The following TECRL variants were observed in gnomAD, a reference collection of about 807,000 sequenced individuals.
TECRL encodes the protein trans-2,3-enoyl-CoA reductase-like.
A neutral mutation model predicts 52.8 loss-of-function variants in TECRL; 63 were observed. That is an observed-to-expected ratio of 1.19 (90% CI 0.97 to 1.47). The LOEUF (loss-of-function observed/expected upper bound fraction) is 1.47, where lower values mean the gene tolerates loss of function less well. Ranked by LOEUF, TECRL falls within the 40% of genes most tolerant of loss-of-function variation. The pLI, the probability that TECRL is intolerant of heterozygous loss-of-function variation, is 0.00. For synonymous variants in TECRL, 164 were observed against 141.9 expected (o/e 1.16, Z -1.10); for missense variants, 482 against 429.6 (o/e 1.12, Z -1.08).
chr4:64,314,281 T>C (rs1346101173), intron 5 of TECRL, among the ~76,000 whole-genome samples: 1 of 152,144 alleles, frequency 6.6e-6, no homozygotes, highest in Non-Finnish European at 1.5e-5. Context: ...TAAATAAATA[T>C]ATTTTTAGGG....
At chr4:64,391,552 A>T (rs182470539) in intron 1 of TECRL, among the ~76,000 whole-genome samples, 1 of 151,964 alleles carries the variant, frequency 6.6e-6, no homozygotes. Flanking sequence ...AACTGTGATA[A>T]TTCAACTTAA....
At chr4:64,337,626 A>G (rs1057316707) in intron 2 of TECRL, among the ~76,000 whole-genome samples, 1 of 152,182 alleles carries the variant, frequency 6.6e-6, no homozygotes, top group African/African-American at 2.4e-5. Context: ...ATTCTTATAC[A>G]CCAATAACAG....
intron 2 of TECRL, among the ~76,000 whole-genome samples, chr4:64,335,480 G>A (rs1447537787): frequency 2.6e-5 from 4 of 152,136 alleles, no homozygotes; most frequent in Admixed American, 6.5e-5. Flanking sequence ...ATATTACAAT[G>A]TCATAATGAT....
At chr4:64,409,457 G>C (rs1324466837), upstream of TECRL, 1 of 1,487,970 alleles carries the variant, frequency 6.7e-7, no homozygotes, top group Admixed American at 2.3e-5. Context: ...AGGTCAAATG[G>C]TATGCCATTC....
Position 64,374,079 on chromosome 4 carries a change from A to ATATATATATATATTTATT in TECRL, c.286+1092_286+1093insAATAAATATATATATATA, listed in dbSNP as rs1343885987. On this transcript the variant is annotated intron_variant, in intron 2 of 11. Transcript: ENST00000381210. ...TATATATATATATATATATATATAT[A>ATATATATATATATTTATT]TATTTATCTTTTTGGTTTTGTTCTT... 7.2e-5 allele frequency among the ~76,000 whole-genome samples: 7 copies of ATATATATATATATTTATT among 96,782 alleles called. No homozygotes were observed. In the East Asian group the frequency reaches 8.9e-4, roughly 12 times the overall value. 63.5% of individuals were successfully genotyped at this position (96,782 alleles called of 152,430 possible). A position where few individuals can be genotyped will look rare whatever the true frequency, so the allele number is the denominator to read the frequency against.
intron 2 of TECRL, among the ~76,000 whole-genome samples, chr4:64,332,844 A>G (rs1475080277): frequency 6.6e-6 from 1 of 152,144 alleles, no homozygotes; most frequent in Non-Finnish European, 1.5e-5. Flanking sequence ...TATATACATG[A>G]TGAGCAATGA....
chr4:64,312,304 ATACCTAAATCTAGG>A (rs971673146), intron 5 of TECRL, among the ~76,000 whole-genome samples: 2 of 152,192 alleles, frequency 1.3e-5, no homozygotes, highest in Non-Finnish European at 2.9e-5. Context: ...CTAAATCTAG[ATACCTAAATCTAGG>A]TACCTAAAAC....
chr4:64,298,580 C>T (rs1325388530), intron 8 of TECRL, among the ~76,000 whole-genome samples: 3 of 150,582 alleles, frequency 2.0e-5, no homozygotes, highest in African/African-American at 7.3e-5. Flanking sequence ...TTATCATACA[C>T]ATTTGAAAAG....
intron 9 of TECRL, among the ~76,000 whole-genome samples, chr4:64,282,944 T>C (rs935517565): frequency 2.0e-5 from 3 of 152,016 alleles, no homozygotes; most frequent in African/African-American, 4.8e-5. Context: ...TTTTTTACAT[T>C]AAAATGCTGC....
chr4:64,354,390 G>T (rs1720614632), intron 2 of TECRL, among the ~76,000 whole-genome samples: 1 of 152,154 alleles, frequency 6.6e-6, no homozygotes, highest in Non-Finnish European at 1.5e-5. Flanking sequence ...TAATATAAGA[G>T]AGGAGAATGA....
At chr4:64,316,890 A>G (rs1018132690) in intron 4 of TECRL, among the ~76,000 whole-genome samples, 5 of 152,162 alleles carry the variant, frequency 3.3e-5, no homozygotes, top group African/African-American at 1.2e-4. Flanking sequence ...TCTGTTTTGA[A>G]TACAAAATTC....
chr4:64,373,927 T>C (rs958759621), intron 2 of TECRL, among the ~76,000 whole-genome samples: 21 of 147,928 alleles, frequency 1.4e-4, no homozygotes, highest in East Asian at 1.2e-3. Flanking sequence ...ATATATACTA[T>C]ATACACTATA....
At chr4:64,381,851 C>G (rs1342070397) in intron 1 of TECRL, among the ~76,000 whole-genome samples, 1 of 151,774 alleles carries the variant, frequency 6.6e-6, no homozygotes, top group East Asian at 1.9e-4. Context: ...GCCTGTAGTA[C>G]TATTTGCGTG....
chr4:64,317,726 C>T (rs1271382582), intron 4 of TECRL, among the ~76,000 whole-genome samples: 1 of 152,002 alleles, frequency 6.6e-6, no homozygotes, highest in Non-Finnish European at 1.5e-5. Context: ...AATTCAAACA[C>T]AGAATACTAA....
At chr4:64,293,706 T>TA (rs1200246146) in intron 8 of TECRL, among the ~76,000 whole-genome samples, 1 of 151,924 alleles carries the variant, frequency 6.6e-6, no homozygotes, top group East Asian at 1.9e-4. Flanking sequence ...TTCTCTTCCT[T>TA]AAAGAAATGA....
At chr4:64,305,062 T>A in intron 7 of TECRL, 104 bp downstream of exon 7, 1 of 794,196 alleles carries the variant, frequency 1.3e-6, no homozygotes, top group South Asian at 2.8e-5. Flanking sequence ...CAATTTAAAA[T>A]GAATTGTTTC....
chr4:64,296,314 C>A (rs1723677886), intron 8 of TECRL, among the ~76,000 whole-genome samples: 1 of 151,746 alleles, frequency 6.6e-6, no homozygotes. Context: ...CACTTCTGTA[C>A]CCGAGGTTCT....
chr4:64,399,995 G>A (rs1724236890), intron 1 of TECRL, among the ~76,000 whole-genome samples: 1 of 152,118 alleles, frequency 6.6e-6, no homozygotes, highest in Non-Finnish European at 1.5e-5. Flanking sequence ...CAGATCCCAA[G>A]AATGATATAT....
Position 64,291,169 on chromosome 4 carries a change from A to G in TECRL, c.775-1402T>C, listed in dbSNP as rs539232906. ...TTTCTTCACCTAAATGCAAATATTA[A>G]CTTCTGTCTCTAGAGAATTCATGAC... On this transcript the variant is annotated intron_variant, in intron 8 of 11. Coordinates refer to ENST00000381210, the MANE Select transcript of TECRL (RefSeq NM_001010874.5). Among the ~76,000 whole-genome samples, 4 of 152,224 alleles carry G rather than the reference A, an allele frequency of 2.6e-5. No homozygotes were observed. The East Asian group carries it at 7.7e-4, about 29-fold the overall frequency.
Sources: allele counts gnomAD v4.1 joint callset (sites outside exome capture counted in the v4.1 genomes callset), GRCh38; gene constraint gnomAD v4.1.1; transcripts MANE v1.5; gene names NCBI Gene and HGNC (gene_info 2026-07-23, HGNC 2026-07-21).